The following NACC1 variants were observed in gnomAD, a reference collection of about 807,000 sequenced individuals.
NACC1 encodes the protein nucleus accumbens-associated protein 1.
In NACC1, 6 loss-of-function variants were observed where a neutral mutation model predicts 41.7. That is an observed-to-expected ratio of 0.14 (90% CI 0.08 to 0.28). The LOEUF (loss-of-function observed/expected upper bound fraction) is 0.28, where lower values mean the gene tolerates loss of function less well. Among genes scored for constraint, NACC1 ranks in the 10% least tolerant of loss-of-function variants. The pLI is 1.00. For missense variants in NACC1, 434 were observed against 763.7 expected, an observed-to-expected ratio of 0.57 and a Z score of 5.09; for synonymous variants, 338 against 330.6, an observed-to-expected ratio of 1.02 and a Z score of -0.24.
chr19:13,124,307 C>A (rs1302853328), intron 1 of NACC1, among the ~76,000 whole-genome samples: 1 of 151,786 alleles, frequency 6.6e-6, no homozygotes, highest in Non-Finnish European at 1.5e-5. Flanking sequence ...GGCGGAGGCA[C>A]GAGAATTGCT....
chr19:13,119,755 CAG>C (rs569185603), intron 1 of NACC1, among the ~76,000 whole-genome samples: 22 of 152,200 alleles, frequency 1.4e-4, no homozygotes, highest in Admixed American at 2.6e-4. Flanking sequence ...GGGATCAAAT[CAG>C]GCACTCACAC....
In NACC1 at chr19:13,137,199, T is replaced by C; in HGVS notation, c.1121-72T>C. ...AGGGAGGGCCTGGGGTGTTCTGAGA[T>C]GAGGCCTGGTATCATGGGGGCTGTG... On this transcript the variant is annotated intron_variant, in intron 3 of 5. Transcript: ENST00000292431. The surrounding 1 kb of genome is among the most constrained non-coding windows in gnomAD (Gnocchi z 6.1). 1 of 1,456,750 alleles carries C rather than the reference T, an allele frequency of 6.9e-7. No individual in the cohort carries two copies. The allele number at this position is 1,456,750 out of a possible 1,614,324, so 90.2% of individuals were successfully genotyped here. A position where few individuals can be genotyped will look rare whatever the true frequency, so the allele number is the denominator to read the frequency against.
At chr19:13,129,296 C>CA (rs1370853449) in intron 1 of NACC1, among the ~76,000 whole-genome samples, 1 of 152,178 alleles carries the variant, frequency 6.6e-6, no homozygotes, top group South Asian at 2.1e-4. Context: ...CTGCTTCAGC[C>CA]AGCAGGTGAC....
Position 13,137,404 on chromosome 19 carries a change from G to T in NACC1, c.1226+28G>T, listed in dbSNP as rs1260172810. 3.8e-6 allele frequency: 6 copies of T among 1,595,112 alleles called. No individual in the cohort carries two copies. The East Asian group carries it at 1.4e-4, about 36-fold the overall frequency. The stretch of plus-strand genomic sequence containing the variant: ...AAGGCCCTTGCCAGAGCCCCAGGGA[G>T]GGGGGTGGGGTTTCCCCATGTCCCC... On this transcript the variant is annotated intron_variant, in intron 4 of 5. Transcript: ENST00000292431. The surrounding 1 kb of genome is among the most constrained non-coding windows in gnomAD (Gnocchi z 6.1).
At chr19:13,126,845 C>A (rs976845615) in intron 1 of NACC1, among the ~76,000 whole-genome samples, 4 of 152,094 alleles carry the variant, frequency 2.6e-5, no homozygotes, top group Non-Finnish European at 5.9e-5. Flanking sequence ...TGTGAGCACC[C>A]ACTGTGTACC....
chr19:13,136,385 A>G lies in NACC1; in HGVS notation c.1100A>G (p.Glu367Gly), dbSNP rs1338890583. Residue 367 changes from glutamate (E) to glycine (G), a missense_variant, in exon 3 of 6, where the codon GAG (glutamate) becomes GGG (glycine). Physicochemically the swap from Glu to Gly is moderately conservative, Grantham distance 98 (BLOSUM62 -2). Coordinates refer to ENST00000292431, the MANE Select transcript of NACC1 (RefSeq NM_052876.4). This position sits in a 1 kb window ranked among gnomAD's most constrained non-coding sequence, Gnocchi z 5.5. ...PKLYDEGDPS[E>G]KLELVTGTNV... is the part of the protein sequence containing the mutation. ...CTCTACGACGAGGGCGACCCCTCTG[A>G]GAAGCTGGAGCTGGTGACAGGTGGG... 6.2e-7 allele frequency: 1 copy of G among 1,613,544 alleles called. No individual in the cohort carries two copies. The highest frequency in any genetic ancestry group is 1.1e-5 in the South Asian group (1 of 91,056).
At position 13,138,811 on chromosome 19, in the gene NACC1, TGAG is replaced by T. The variant is rs1011803578; in HGVS notation, c.*407_*409del. The stretch of plus-strand genomic sequence containing the variant: ...CCCCTCACTGCAGCCCCTTGGGACT[TGAG>T]GGGGGCCCCAGGGGTTCTCAGGACC... On this transcript the variant is annotated 3_prime_UTR_variant, in exon 6 of 6. Coordinates refer to ENST00000292431, the MANE Select transcript of NACC1 (RefSeq NM_052876.4). This position sits in a 1 kb window ranked among gnomAD's most constrained non-coding sequence, Gnocchi z 5.7. The T allele has an allele frequency of 3.4e-5, 7 of 203,190 alleles. No homozygotes were observed. The highest frequency in any genetic ancestry group is 5.1e-5 in the Non-Finnish European group (5 of 98,322). The allele number at this position is 203,190 out of a possible 1,614,324, so 12.6% of individuals were successfully genotyped here. A position where few individuals can be genotyped will look rare whatever the true frequency, so the allele number is the denominator to read the frequency against.
At chr19:13,125,903 A>AT (rs1356504564) in intron 1 of NACC1, among the ~76,000 whole-genome samples, 3 of 151,176 alleles carry the variant, frequency 2.0e-5, no homozygotes, top group African/African-American at 7.3e-5. Flanking sequence ...CGCCCAGCTA[A>AT]TTTTTGTATT....
At chr19:13,129,642 C>T (rs2019607453) in intron 1 of NACC1, among the ~76,000 whole-genome samples, 3 of 152,180 alleles carry the variant, frequency 2.0e-5, no homozygotes, top group South Asian at 2.1e-4. Context: ...GGAGAGCTCC[C>T]GTGCGCTAAT....
In NACC1 at chr19:13,138,302, A is replaced by G; in HGVS notation, c.1480A>G (p.Ser494Gly). ...GGATGACGCCTACACCACCTTCATCAGTGAAACGGGCAAGATCGAGCCGGA... is the reference window on the plus strand; with the variant it reads ...GGATGACGCCTACACCACCTTCATCGGTGAAACGGGCAAGATCGAGCCGGA... ...AEDDAYTTFISETGKIEPDMM... is the reference protein window; with the variant it reads ...AEDDAYTTFIGETGKIEPDMM... The change falls in exon 6 of 6, where the codon AGT (serine) becomes GGT (glycine). Residue 494 changes from serine to glycine, a missense_variant. By Grantham distance (56) the Ser-to-Gly change is moderately conservative. Transcript: ENST00000292431. This position sits in a 1 kb window ranked among gnomAD's most constrained non-coding sequence, Gnocchi z 5.7. 6.2e-7 allele frequency: 1 copy of G among 1,614,206 alleles called. No individual in the cohort carries two copies. The highest frequency in any genetic ancestry group is 1.6e-4 in the Middle Eastern group (1 of 6,062).
At chr19:13,133,589 G>A (rs997771601) in intron 1 of NACC1, among the ~76,000 whole-genome samples, 1 of 152,148 alleles carries the variant, frequency 6.6e-6, no homozygotes, top group African/African-American at 2.4e-5. Flanking sequence ...CCATGTTGTA[G>A]CATGTGTCAG....
In NACC1 at chr19:13,136,200, C is replaced by T. The variant is rs758379075; in HGVS notation, c.947-32C>T. On this transcript the variant is annotated intron_variant, in intron 2 of 5. Coordinates refer to ENST00000292431, the MANE Select transcript of NACC1 (RefSeq NM_052876.4). The surrounding 1 kb of genome is among the most constrained non-coding windows in gnomAD (Gnocchi z 5.5). ...CATCCCACCAGCCACCCCTGCTCCT[C>T]CTGCCACTCGCGTGCCACTCTCTCC... is the stretch of plus-strand genomic sequence containing the variant. 2.5e-6 allele frequency: 4 copies of T among 1,605,006 alleles called. No homozygotes were observed. The highest frequency in any genetic ancestry group is 1.7e-5 in the Admixed American group (1 of 59,712).
At position 13,128,204 on chromosome 19, in the gene NACC1, G is replaced by C. The variant is rs576475438; in HGVS notation, c.-8-6996G>C. Among the ~76,000 whole-genome samples the C allele has an allele frequency of 5.9e-5, 9 of 152,292 alleles. No homozygotes were observed. The East Asian group carries it at 9.6e-4, about 16-fold the overall frequency. On this transcript the variant is annotated intron_variant, in intron 1 of 5. Transcript: ENST00000292431. ...GGAAGTCCGGGCCAAAGACTCCAGT[G>C]GGGGAGGCATCAGTGAATAGATGGT... is the stretch of plus-strand genomic sequence containing the variant.
rs934676862 is a variant in NACC1 at position 13,139,325 on chromosome 19, C to A, written c.*919C>A. The A allele has an allele frequency of 6.6e-6, 1 of 152,124 alleles. No homozygotes were observed. Among genetic ancestry groups the A allele is most frequent in the African/African-American group, 2.4e-5 (1 of 41,404 alleles). 9.4% of individuals were successfully genotyped at this position (152,124 alleles called of 1,614,324 possible). A position where few individuals can be genotyped will look rare whatever the true frequency, so the allele number is the denominator to read the frequency against. ...CACAGCAGGGCTCCTGGCCCCCACCCCCCTGTACATAATTTTTAAAACCTT... is the reference window on the plus strand; with the variant it reads ...CACAGCAGGGCTCCTGGCCCCCACCACCCTGTACATAATTTTTAAAACCTT... On this transcript the variant is annotated 3_prime_UTR_variant, in exon 6 of 6. Transcript: ENST00000292431.
At chr19:13,121,518 G>A (rs1054139228) in intron 1 of NACC1, among the ~76,000 whole-genome samples, 3 of 152,202 alleles carry the variant, frequency 2.0e-5, no homozygotes, top group Non-Finnish European at 2.9e-5. Flanking sequence ...TCTTGAGCTG[G>A]GCTTTGAGGA....
chr19:13,136,085 T>C lies in NACC1; in HGVS notation c.878T>C (p.Met293Thr). Residue 293 changes from methionine to threonine, a missense_variant, in exon 2 of 6, where the codon ATG (methionine) becomes ACG (threonine). Met to Thr is a moderately conservative substitution (Grantham distance 81). Transcript: ENST00000292431. The surrounding 1 kb of genome is among the most constrained non-coding windows in gnomAD (Gnocchi z 5.5). Reference sequence around the variant, plus strand: ...GAGGAGGATGGTGGCGAGGAGGGCATGGATGAGCAGTACCGGCAGATCTGC... The same window carrying C: ...GAGGAGGATGGTGGCGAGGAGGGCACGGATGAGCAGTACCGGCAGATCTGC... ...DEEEDGGEEG[M>T]DEQYRQICNM... 1 of 1,614,056 alleles carries C rather than the reference T, an allele frequency of 6.2e-7. No homozygotes were observed. Among genetic ancestry groups the C allele is most frequent in the Non-Finnish European group, 8.5e-7 (1 of 1,180,016 alleles).
At chr19:13,130,943 C>G (rs1001481723) in intron 1 of NACC1, among the ~76,000 whole-genome samples, 1 of 152,170 alleles carries the variant, frequency 6.6e-6, no homozygotes, top group African/African-American at 2.4e-5. Flanking sequence ...CCTGGCAGCC[C>G]TGTCCCTGCT....
At position 13,136,203 on chromosome 19, in the gene NACC1, G is replaced by C. The variant is rs1395641364; in HGVS notation, c.947-29G>C. The C allele has an allele frequency of 8.1e-6, 13 of 1,605,416 alleles. No homozygotes were observed. The highest frequency in any genetic ancestry group is 1.7e-5 in the Admixed American group (1 of 59,736). ...CCCACCAGCCACCCCTGCTCCTCCT[G>C]CCACTCGCGTGCCACTCTCTCCCTG... On this transcript the variant is annotated intron_variant, in intron 2 of 5. Coordinates refer to ENST00000292431, the MANE Select transcript of NACC1 (RefSeq NM_052876.4). This position sits in a 1 kb window ranked among gnomAD's most constrained non-coding sequence, Gnocchi z 5.5.
At position 13,122,525 on chromosome 19, in the gene NACC1, G is replaced by GC. The variant is rs1491425258; in HGVS notation, c.-9+4071_-9+4072insC. ...GGGACATTTTTGGTTGCCCCTGCCG[G>GC]GGGGGGGGGGGTGTGCTGCTGGCAT... On this transcript the variant is annotated intron_variant, in intron 1 of 5. Coordinates refer to ENST00000292431, the MANE Select transcript of NACC1 (RefSeq NM_052876.4). 6.0e-4 allele frequency among the ~76,000 whole-genome samples: 28 copies of GC among 47,034 alleles called. 1 individual carries two copies. The highest frequency in any genetic ancestry group is 2.9e-3 in the African/African-American group (26 of 9,056). 30.9% of individuals were successfully genotyped at this position (47,034 alleles called of 152,430 possible).
Sources: gnomAD v4.1 joint callset for allele counts (sites outside exome capture counted in the v4.1 genomes callset) on GRCh38, gnomAD v4.1.1 for gene constraint, Gnocchi (gnomAD v3.1) non-coding constraint, MANE v1.5 for transcripts, NCBI Gene and HGNC (gene_info 2026-07-23, HGNC 2026-07-21) for gene names.